Variants in GALNT1 observed in about 807,000 individuals in gnomAD.
The protein encoded by GALNT1 is polypeptide N-acetylgalactosaminyltransferase 1.
GALNT1 carries 17 observed loss-of-function variants against 65.7 expected under a neutral mutation model. The ratio of observed to expected loss-of-function variants is 0.26; its 90% CI spans 0.18 to 0.39. GALNT1 has a LOEUF of 0.39. Among genes scored for constraint, GALNT1 ranks in the 10% least tolerant of loss-of-function variants. The pLI, the probability that GALNT1 is intolerant of heterozygous loss-of-function variation, is 1.00. For missense variants in GALNT1, 460 were observed against 672.8 expected (o/e 0.68, Z 3.50); for synonymous variants, 210 against 219.7 (o/e 0.96, Z 0.39).
At chr18:35,608,606 T>C (rs584216) in intron 1 of GALNT1, among the ~76,000 whole-genome samples, 55,054 of 152,114 alleles carry the variant, frequency 0.36, 10,591 homozygotes, top group Middle Eastern at 0.53. Flanking sequence ...TTAGTGTCTA[T>C]TATGTACTCT....
At chr18:35,603,516 A>G (rs557654846) in intron 1 of GALNT1, among the ~76,000 whole-genome samples, 2 of 152,308 alleles carry the variant, frequency 1.3e-5, no homozygotes, top group African/African-American at 4.8e-5. Context: ...TCCTCTATAC[A>G]TATTTTAAAT....
Sources: allele counts gnomAD v4.1 joint callset (sites outside exome capture counted in the v4.1 genomes callset), GRCh38; gene constraint gnomAD v4.1.1; transcripts MANE v1.5; gene names NCBI Gene and HGNC (gene_info 2026-07-23, HGNC 2026-07-21).